Variants in UBR2 observed in about 807,000 individuals in gnomAD.
UBR2 encodes the protein E3 ubiquitin-protein ligase UBR2.
In UBR2, 92 loss-of-function variants were observed where a neutral mutation model predicts 247.9. The observed-to-expected ratio is 0.37, with a 90% CI of 0.31 to 0.44. UBR2 has a LOEUF of 0.44. Ranked by LOEUF, UBR2 falls within the 20% of genes least tolerant of loss-of-function variation. The pLI is 1.00. For missense variants in UBR2, 1,613 were observed against 2,112.6 expected, an observed-to-expected ratio of 0.76 and a Z score of 4.64; for synonymous variants, 672 against 693.5, an observed-to-expected ratio of 0.97 and a Z score of 0.49.
rs929595396 is a variant in UBR2 at position 42,691,697 on chromosome 6, G to T, written c.*524G>T. ...TCCCTTCTCTCCATTGACTATGAGA[G>T]AGTTGGGGGACACACATGCAGAAGA... On this transcript the variant is annotated 3_prime_UTR_variant, in exon 47 of 47. Coordinates refer to ENST00000372901, the MANE Select transcript of UBR2 (RefSeq NM_001363705.2). 6.5e-6 allele frequency: 1 copy of T among 154,102 alleles called. No individual in the cohort carries two copies. The highest frequency in any genetic ancestry group is 2.0e-4 in the South Asian group (1 of 4,966). 9.5% of individuals were successfully genotyped at this position (154,102 alleles called of 1,614,324 possible). A position where few individuals can be genotyped will look rare whatever the true frequency, so the allele number is the denominator to read the frequency against.
At chr6:42,650,891 C>G (rs1169361690) in intron 23 of UBR2, among the ~76,000 whole-genome samples, 1 of 152,028 alleles carries the variant, frequency 6.6e-6, no homozygotes, top group African/African-American at 2.4e-5. Context: ...TTATTTAACA[C>G]TTTTTCATAG....
At chr6:42,655,579 T>G in intron 25 of UBR2, 42 bp from the exon 26 acceptor site, 1 of 1,225,568 alleles carries the variant, frequency 8.2e-7, no homozygotes, top group Non-Finnish European at 1.1e-6. Flanking sequence ...ATGTACTTGA[T>G]TTTTTAAATT....
rs753353444 is a variant in UBR2 at position 42,612,162 on chromosome 6, C to CTT, written c.865-5_865-4dup. 22 of 1,494,102 alleles carry CTT rather than the reference C, an allele frequency of 1.5e-5. No individual in the cohort carries two copies. Among genetic ancestry groups the CTT allele is most frequent in the Non-Finnish European group, 1.9e-5 (21 of 1,102,814 alleles). The allele number at this position is 1,494,102 out of a possible 1,614,324, so 92.6% of individuals were successfully genotyped here. A position where few individuals can be genotyped will look rare whatever the true frequency, so the allele number is the denominator to read the frequency against. ...AGTTAATTTTTAAATCTTGCCATTT[C>CTT]TTTTTAAGAGAAATACCAGTAGACA... On this transcript the variant is annotated splice_polypyrimidine_tract_variant and intron_variant, in intron 7 of 46. Transcript: ENST00000372901.
At chr6:42,644,788 G>A (rs1582630806) in intron 20 of UBR2, among the ~76,000 whole-genome samples, 1 of 152,256 alleles carries the variant, frequency 6.6e-6, no homozygotes, top group East Asian at 1.9e-4. Flanking sequence ...ATTTTGCGAG[G>A]TGGTGGTAGG....
intron 1 of UBR2, among the ~76,000 whole-genome samples, chr6:42,572,852 G>A (rs1428573029): frequency 6.6e-6 from 1 of 151,966 alleles, no homozygotes; most frequent in Non-Finnish European, 1.5e-5. Flanking sequence ...TTACAGGCAT[G>A]CGCCACCACA....
At chr6:42,564,533 T>G (rs1790664283) in intron 1 of UBR2, 136 bp downstream of exon 1, 2 of 1,023,498 alleles carry the variant, frequency 2.0e-6, no homozygotes. Context: ...CCTTGTGGGG[T>G]AATAGCCCGG....
intron 1 of UBR2, among the ~76,000 whole-genome samples, chr6:42,569,827 A>G (rs996191320): frequency 3.9e-5 from 6 of 152,208 alleles, no homozygotes; most frequent in African/African-American, 1.4e-4. Flanking sequence ...AGTATTTAAT[A>G]GAGGGAAAGC....
chr6:42,636,358 T>C (rs1796095985), intron 14 of UBR2, among the ~76,000 whole-genome samples: 1 of 151,990 alleles, frequency 6.6e-6, no homozygotes, highest in Admixed American at 6.5e-5. Flanking sequence ...TTTCTATTTT[T>C]TGTAGAGACA....
chr6:42,574,891 G>C (rs1024613984), intron 2 of UBR2, among the ~76,000 whole-genome samples: 5 of 151,932 alleles, frequency 3.3e-5, no homozygotes, highest in Non-Finnish European at 7.4e-5. Flanking sequence ...TAGAGACGGG[G>C]TTTCACCATG....
At chr6:42,629,729 A>T (rs532851904) in intron 11 of UBR2, among the ~76,000 whole-genome samples, 21 of 152,250 alleles carry the variant, frequency 1.4e-4, no homozygotes, top group African/African-American at 4.6e-4. Context: ...ATACCAAATA[A>T]TGTCTGGTAT....
intron 8 of UBR2, among the ~76,000 whole-genome samples, 190 bp from the exon 9 acceptor site, chr6:42,614,881 G>A (rs1290746392): frequency 6.6e-6 from 1 of 152,190 alleles, no homozygotes; most frequent in Non-Finnish European, 1.5e-5. Flanking sequence ...GGTGTGTGAT[G>A]TGAGATTTGA....
intron 15 of UBR2, 92 bp from the exon 16 acceptor site, chr6:42,640,117 G>T: frequency 1.0e-6 from 1 of 984,308 alleles, no homozygotes. Flanking sequence ...GAGAAAAGAA[G>T]TTAGATATAA....
rs1393107446 is a variant in UBR2 at position 42,573,859 on chromosome 6, T to G, written c.204T>G (p.Val68=). ...PQKEDMLAQH[V]LLGPMEWYLC... is the part of the protein sequence containing the mutation. Reference sequence around the variant, plus strand: ...AAGAAGACATGCTGGCACAGCATGTTTTGTTGGGACCAATGGAATGGTACC... The same window carrying G: ...AAGAAGACATGCTGGCACAGCATGTGTTGTTGGGACCAATGGAATGGTACC... The change falls in exon 2 of 47, where the codon GTT becomes GTG. Residue 68 remains valine, a synonymous_variant. Coordinates refer to ENST00000372901, the MANE Select transcript of UBR2 (RefSeq NM_001363705.2). 17 of 1,613,948 alleles carry G rather than the reference T, an allele frequency of 1.1e-5. No individual in the cohort carries two copies. In the East Asian group the frequency reaches 3.8e-4, roughly 36 times the overall value.
chr6:42,564,549 C>A, intron 1 of UBR2, 152 bp downstream of exon 1: 1 of 792,812 alleles, frequency 1.3e-6, no homozygotes, highest in Non-Finnish European at 2.0e-6. Flanking sequence ...CCCGGGGAGG[C>A]CACCGATCCT....
At chr6:42,673,412 C>T (rs1270936756) in intron 36 of UBR2, among the ~76,000 whole-genome samples, 1 of 152,160 alleles carries the variant, frequency 6.6e-6, no homozygotes, top group Non-Finnish European at 1.5e-5. Flanking sequence ...ACCTCTGCCT[C>T]CAGGGTTCAA....
chr6:42,683,459 C>T (rs921406174), intron 43 of UBR2, among the ~76,000 whole-genome samples: 3 of 152,098 alleles, frequency 2.0e-5, no homozygotes, highest in Admixed American at 2.0e-4. Context: ...AATAATGAGG[C>T]TCCACATACT....
rs564527125 is a variant in UBR2, at chr6:42,686,973, G to A, written c.4854-1243G>A. 3.1e-3 allele frequency among the ~76,000 whole-genome samples: 469 copies of A among 151,326 alleles called. 1 individual carries two copies. Among genetic ancestry groups the A allele is most frequent in the Non-Finnish European group, 5.5e-3 (375 of 67,830 alleles). On this transcript the variant is annotated intron_variant, in intron 44 of 46. Transcript: ENST00000372901. ...CCCACATCCCAGACGATGGGCGGCC[G>A]GGCAGAGACGCTCCTCACTTCCTAG... is the stretch of plus-strand genomic sequence containing the variant.
intron 36 of UBR2, among the ~76,000 whole-genome samples, chr6:42,673,082 G>A (rs115906518): frequency 8.5e-4 from 129 of 152,230 alleles, no homozygotes; most frequent in Non-Finnish European, 1.4e-3. Flanking sequence ...TAAATCAAGA[G>A]TTTTCTTATT....
chr6:42,630,687 G>A (rs990639833), intron 11 of UBR2, among the ~76,000 whole-genome samples: 10 of 152,078 alleles, frequency 6.6e-5, no homozygotes, highest in Non-Finnish European at 1.5e-4. Context: ...TTCAAACTCA[G>A]TTTTATATTT....
Sources: allele counts gnomAD v4.1 joint callset (sites outside exome capture counted in the v4.1 genomes callset), GRCh38; gene constraint gnomAD v4.1.1; transcripts MANE v1.5; gene names NCBI Gene and HGNC (gene_info 2026-07-23, HGNC 2026-07-21).